The following PRRX1 variants were observed in gnomAD, a reference collection of about 807,000 sequenced individuals.
The protein encoded by PRRX1 is paired related homeobox 1.
A neutral mutation model predicts 24.0 loss-of-function variants in PRRX1; 8 were observed. The ratio of observed to expected loss-of-function variants is 0.33; its 90% CI spans 0.20 to 0.60. The LOEUF (loss-of-function observed/expected upper bound fraction) is 0.60. PRRX1 is among the 20% of genes least tolerant of loss of function. The pLI is 0.82. For synonymous variants in PRRX1, 160 were observed against 131.7 expected (o/e 1.22, Z -1.47); for missense variants, 281 against 322.4 (o/e 0.87, Z 0.98).
At chr1:170,716,524 C>A (rs902549582) in intron 1 of PRRX1, among the ~76,000 whole-genome samples, 4 of 149,784 alleles carry the variant, frequency 2.7e-5, no homozygotes, top group African/African-American at 7.4e-5. Context: ...GCGGAGGTTG[C>A]GGTGAGCCAA....
intron 1 of PRRX1, among the ~76,000 whole-genome samples, chr1:170,691,565 G>A (rs1275025310): frequency 2.2e-5 from 3 of 133,680 alleles, no homozygotes; most frequent in African/African-American, 8.6e-5. Flanking sequence ...CTCCTTGCCT[G>A]CCTCTCTTCC....
At chr1:170,689,839 C>CCCTCCCT (rs1558049693) in intron 1 of PRRX1, among the ~76,000 whole-genome samples, 1 of 91,602 alleles carries the variant, frequency 1.1e-5, no homozygotes, top group Admixed American at 1.2e-4. Context: ...TCTCTCTCTC[C>CCCTCCCT]CTCTCTCTCT....
upstream of PRRX1, chr1:170,663,172 T>A (rs1652784690): frequency 6.6e-6 from 1 of 152,124 alleles, no homozygotes; most frequent in Non-Finnish European, 1.5e-5. Context: ...AGACTGTTTT[T>A]TGGTCCCAGG....
chr1:170,696,174 C>A (rs1654160610), intron 1 of PRRX1, among the ~76,000 whole-genome samples: 1 of 151,866 alleles, frequency 6.6e-6, no homozygotes, highest in Admixed American at 6.6e-5. Flanking sequence ...GTATCCGGGC[C>A]ATATGGCAGT....
intron 2 of PRRX1, among the ~76,000 whole-genome samples, chr1:170,723,158 A>G (rs1232681351): frequency 1.3e-5 from 2 of 152,228 alleles, no homozygotes; most frequent in Non-Finnish European, 2.9e-5. Context: ...GAGCAATGTG[A>G]AGGCACATTA....
intron 1 of PRRX1, 75 bp from the exon 2 acceptor site, chr1:170,719,651 A>G: frequency 6.8e-7 from 1 of 1,463,412 alleles, no homozygotes; most frequent in Non-Finnish European, 9.5e-7. Context: ...CTCACTATAG[A>G]TATACCATAA....
intron 1 of PRRX1, among the ~76,000 whole-genome samples, chr1:170,719,254 C>G (rs1450780427): frequency 1.3e-5 from 2 of 152,190 alleles, no homozygotes; most frequent in African/African-American, 4.8e-5. Context: ...CTCTATAACT[C>G]TATGTATTTG....
upstream of PRRX1, chr1:170,663,266 C>T (rs1466786020): frequency 6.6e-6 from 1 of 152,186 alleles, no homozygotes; most frequent in African/African-American, 2.4e-5. Flanking sequence ...CACGTAATTA[C>T]AGGCTCCTAT....
In PRRX1 at chr1:170,736,378, C is replaced by T. The variant is rs1571354504; in HGVS notation, c.*192C>T. On this transcript the variant is annotated 3_prime_UTR_variant, in exon 4 of 4. Coordinates refer to ENST00000239461, the MANE Select transcript of PRRX1 (RefSeq NM_022716.4). The stretch of plus-strand genomic sequence containing the variant: ...AAATGAAAATTAGTTAACAAATGTT[C>T]CTCCTCCCTCTGGGATACCACCACC... 1.4e-6 allele frequency: 1 copy of T among 703,748 alleles called. No individual in the cohort carries two copies. Among genetic ancestry groups the T allele is most frequent in the Non-Finnish European group, 2.3e-6 (1 of 427,544 alleles). 43.6% of individuals were successfully genotyped at this position (703,748 alleles called of 1,614,324 possible).
At chr1:170,674,854 G>A (rs1033225333) in intron 1 of PRRX1, among the ~76,000 whole-genome samples, 1 of 152,038 alleles carries the variant, frequency 6.6e-6, no homozygotes, top group Non-Finnish European at 1.5e-5. Context: ...GGACTATCAA[G>A]ACACCAATTT....
chr1:170,689,071 T>C (rs531945644), intron 1 of PRRX1, among the ~76,000 whole-genome samples: 1 of 152,302 alleles, frequency 6.6e-6, no homozygotes, highest in South Asian at 2.1e-4. Flanking sequence ...GAAGTTGTAT[T>C]TAATCTATCA....
chr1:170,687,836 ACT>A (rs1653799076), intron 1 of PRRX1, among the ~76,000 whole-genome samples: 1 of 152,190 alleles, frequency 6.6e-6, no homozygotes, highest in Non-Finnish European at 1.5e-5. Flanking sequence ...ACTTTAGGTA[ACT>A]AAAAGGACTC....
chr1:170,705,021 CAT>C (rs1654510072), intron 1 of PRRX1, among the ~76,000 whole-genome samples: 1 of 152,304 alleles, frequency 6.6e-6, no homozygotes, highest in South Asian at 2.1e-4. Flanking sequence ...CAAAGGCACA[CAT>C]GTTATTTGGG....
intron 1 of PRRX1, among the ~76,000 whole-genome samples, chr1:170,667,118 A>G (rs1224243059): frequency 1.3e-5 from 2 of 152,124 alleles, no homozygotes; most frequent in African/African-American, 4.8e-5. Flanking sequence ...CAGAGTTACA[A>G]TGACTAGAGA....
At chr1:170,691,581 C>A (rs1653982583) in intron 1 of PRRX1, among the ~76,000 whole-genome samples, 1 of 149,788 alleles carries the variant, frequency 6.7e-6, no homozygotes, top group Non-Finnish European at 1.5e-5. Flanking sequence ...CTTCCCCCAC[C>A]TTTTTTAGTT....
chr1:170,736,501 T>A lies in PRRX1; in HGVS notation c.*315T>A. 2.6e-6 allele frequency: 1 copy of A among 385,062 alleles called. No individual in the cohort carries two copies. Among genetic ancestry groups the A allele is most frequent in the East Asian group, 4.5e-5 (1 of 22,454 alleles). 23.9% of individuals were successfully genotyped at this position (385,062 alleles called of 1,614,324 possible). On this transcript the variant is annotated 3_prime_UTR_variant, in exon 4 of 4. Transcript: ENST00000239461. ...GCTAGGTTCAGCCCACCCACCCCCATGATTGTATGAAGTTTTAAAAAAAAC... is the reference window on the plus strand; with the variant it reads ...GCTAGGTTCAGCCCACCCACCCCCAAGATTGTATGAAGTTTTAAAAAAAAC...
intron 2 of PRRX1, 87 bp downstream of exon 2, chr1:170,719,988 C>A: frequency 6.6e-7 from 1 of 1,521,264 alleles, no homozygotes. Flanking sequence ...CAAATTATAG[C>A]CCAGCACAGT....
Position 170,676,356 on chromosome 1 carries a change from C to A in PRRX1, c.241+11897C>A, listed in dbSNP as rs570846582. 4.0e-5 allele frequency among the ~76,000 whole-genome samples: 6 copies of A among 148,406 alleles called. No individual in the cohort carries two copies. The East Asian group carries it at 1.2e-3, about 29-fold the overall frequency. On this transcript the variant is annotated intron_variant, in intron 1 of 3. Transcript: ENST00000239461. ...CTTTTTTTTTTCTTTACTTCACATT[C>A]TTTTTTTTTCTGGGTGGTGAGAATA...
chr1:170,709,523 T>C (rs1321277540), intron 1 of PRRX1, among the ~76,000 whole-genome samples: 4 of 152,176 alleles, frequency 2.6e-5, no homozygotes, highest in Non-Finnish European at 4.4e-5. Context: ...CTTTGGTATA[T>C]CTGTCCTCCT....
Sources: allele counts gnomAD v4.1 joint callset (sites outside exome capture counted in the v4.1 genomes callset), GRCh38; gene constraint gnomAD v4.1.1; transcripts MANE v1.5; gene names NCBI Gene and HGNC (gene_info 2026-07-23, HGNC 2026-07-21).